Variants in DNMT3B observed in about 807,000 individuals in gnomAD.
The protein encoded by DNMT3B is DNA methyltransferase 3 beta.
DNMT3B carries 37 observed loss-of-function variants against 120.2 expected under a neutral mutation model. The observed-to-expected ratio is 0.31, with a 90% CI of 0.24 to 0.40. The LOEUF is 0.40. DNMT3B is among the 10% of genes least tolerant of loss of function. DNMT3B has a pLI of 1.00. For missense variants in DNMT3B, 878 were observed against 1,137.3 expected (o/e 0.77, Z 3.28); for synonymous variants, 412 against 442.8 (o/e 0.93, Z 0.87).
intron 20 of DNMT3B, among the ~76,000 whole-genome samples, chr20:32,803,725 C>T (rs2146072001): frequency 6.6e-6 from 1 of 152,226 alleles, no homozygotes; most frequent in East Asian, 1.9e-4. Context: ...TAGAGTACTC[C>T]AGGTGGGAAG....
intron 5 of DNMT3B, among the ~76,000 whole-genome samples, chr20:32,786,903 A>G (rs1979356118): frequency 6.6e-6 from 1 of 152,196 alleles, no homozygotes; most frequent in Admixed American, 6.5e-5. Context: ...GAAAACACTG[A>G]CATCCAGAAC....
chr20:32,805,497 A>T (rs752769951), intron 21 of DNMT3B, 90 bp downstream of exon 21: 5 of 1,489,220 alleles, frequency 3.4e-6, no homozygotes, highest in Non-Finnish European at 4.7e-6. Context: ...ATTGGTTCCT[A>T]CTCCTCCCCC....
rs777301633 is a variant in DNMT3B, at chr20:32,797,299, G to A, written c.1490G>A (p.Arg497Gln). ...CTTTGCAGCAACACGAGCTGCTGCC[G>A]GTGAGCACTGGGCCCTGTGGGGTGG... is the stretch of plus-strand genomic sequence containing the variant. Reference protein sequence around the residue: ...LLLCSNTSCCRCFCVECLEVL... With the variant: ...LLLCSNTSCCQCFCVECLEVL... The change falls in exon 14 of 23, where the codon CGG (arginine) becomes CAG (glutamine). Residue 497 changes from arginine to glutamine, a missense_variant and splice_region_variant. By Grantham distance (43) the Arg-to-Gln change is conservative (BLOSUM62 1). This residue lies in a region of DNMT3B where 334 missense variants were observed against 518.8 expected (regional missense o/e 0.64). Coordinates refer to ENST00000328111, the MANE Select transcript of DNMT3B (RefSeq NM_006892.4). 10 of 1,613,968 alleles carry A rather than the reference G, an allele frequency of 6.2e-6. No homozygotes were observed. Among genetic ancestry groups the A allele is most frequent in the Admixed American group, 3.3e-5 (2 of 60,030 alleles).
intron 1 of DNMT3B, among the ~76,000 whole-genome samples, chr20:32,771,411 T>G (rs1601051631): frequency 6.6e-6 from 1 of 151,992 alleles, no homozygotes; most frequent in South Asian, 2.1e-4. Context: ...GAGGCTGAGG[T>G]GGGCGGATCG....
chr20:32,781,003 GGAGCACTT>G (rs1978556765), intron 2 of DNMT3B, among the ~76,000 whole-genome samples: 1 of 152,198 alleles, frequency 6.6e-6, no homozygotes, highest in Admixed American at 6.5e-5. Context: ...ACTCTACATG[GGAGCACTT>G]GAGAAGCGGC....
chr20:32,807,806 G>T lies in DNMT3B; in HGVS notation c.2465G>T (p.Gly822Val). The T allele has an allele frequency of 6.2e-7, 1 of 1,614,190 alleles. No individual in the cohort carries two copies. The highest frequency in any genetic ancestry group is 8.5e-7 in the Non-Finnish European group (1 of 1,180,032). ...CACTACACAGACGTGTCCAACATGGGCCGTGGTGCCCGCCAGAAGCTGCTG... is the reference window on the plus strand; with the variant it reads ...CACTACACAGACGTGTCCAACATGGTCCGTGGTGCCCGCCAGAAGCTGCTG... ...PVHYTDVSNM[G>V]RGARQKLLGR... The change falls in exon 23 of 23, where the codon GGC (glycine) becomes GTC (valine). Residue 822 changes from glycine to valine, a missense_variant. Gly to Val is a moderately radical substitution (Grantham distance 109, BLOSUM62 -3). Coordinates refer to ENST00000328111, the MANE Select transcript of DNMT3B (RefSeq NM_006892.4).
Position 32,801,161 on chromosome 20 carries a change from G to A in DNMT3B, c.1997-117G>A, listed in dbSNP as rs1601128968. On this transcript the variant is annotated intron_variant, in intron 18 of 22. Coordinates refer to ENST00000328111, the MANE Select transcript of DNMT3B (RefSeq NM_006892.4). ...CTGTCATTCAGGTGGACATAGACTGGTAGGCATCACCCTGAACTGTCAGGA... is the reference window on the plus strand; with the variant it reads ...CTGTCATTCAGGTGGACATAGACTGATAGGCATCACCCTGAACTGTCAGGA... 3 of 1,471,158 alleles carry A rather than the reference G, an allele frequency of 2.0e-6. No individual in the cohort carries two copies. The East Asian group carries it at 6.9e-5, about 34-fold the overall frequency. The allele number at this position is 1,471,158 out of a possible 1,614,324, so 91.1% of individuals were successfully genotyped here. A position where few individuals can be genotyped will look rare whatever the true frequency, so the allele number is the denominator to read the frequency against.
In DNMT3B at chr20:32,762,648, C is replaced by A. The variant is rs753436881; in HGVS notation, c.-58C>A. ...CGCCAGCCGGCCTCCCGCCAGCCAG[C>A]CCCGACCCGCGGCTCCGCCGCCCAG... On this transcript the variant is annotated 5_prime_UTR_variant, in exon 1 of 23. Transcript: ENST00000328111. 4.2e-6 allele frequency: 1 copy of A among 238,420 alleles called. No homozygotes were observed. Among genetic ancestry groups the A allele is most frequent in the South Asian group, 4.2e-5 (1 of 23,958 alleles). 14.8% of individuals were successfully genotyped at this position (238,420 alleles called of 1,614,324 possible). A position where few individuals can be genotyped will look rare whatever the true frequency, so the allele number is the denominator to read the frequency against.
chr20:32,795,746 A>G, intron 12 of DNMT3B, 52 bp downstream of exon 12: 1 of 1,609,380 alleles, frequency 6.2e-7, no homozygotes, highest in Non-Finnish European at 8.5e-7. Context: ...CTAGGGCTCT[A>G]GGCCTGCCTT....
intron 21 of DNMT3B, among the ~76,000 whole-genome samples, chr20:32,805,650 T>C (rs1028626114): frequency 6.6e-6 from 1 of 152,180 alleles, no homozygotes; most frequent in Non-Finnish European, 1.5e-5. Context: ...ACTGGATACA[T>C]AAAGACAAAG....
intron 8 of DNMT3B, among the ~76,000 whole-genome samples, 167 bp from the exon 9 acceptor site, chr20:32,792,459 C>T (rs1030897233): frequency 6.6e-6 from 1 of 152,238 alleles, no homozygotes; most frequent in African/African-American, 2.4e-5. Flanking sequence ...TCTCCCTGCA[C>T]AGGCCCCTCC....
intron 17 of DNMT3B, 130 bp from the exon 18 acceptor site, chr20:32,800,705 C>T (rs1981225497): frequency 2.0e-6 from 2 of 1,019,796 alleles, no homozygotes; most frequent in East Asian, 2.4e-5. Context: ...GTAATCCACC[C>T]CCGCCGTCAG....
intron 1 of DNMT3B, among the ~76,000 whole-genome samples, chr20:32,775,523 G>A (rs1395210405): frequency 2.0e-5 from 3 of 152,148 alleles, no homozygotes; most frequent in African/African-American, 4.8e-5. Flanking sequence ...GTTCAGTCGG[G>A]GCACAGGCAC....
intron 22 of DNMT3B, among the ~76,000 whole-genome samples, chr20:32,806,597 C>A (rs998770734): frequency 1.3e-5 from 2 of 152,252 alleles, no homozygotes; most frequent in African/African-American, 4.8e-5. Context: ...CCTGTCCCAA[C>A]ATGCTGGGAC....
intron 22 of DNMT3B, 99 bp downstream of exon 22, chr20:32,806,426 C>T (rs992943378): frequency 1.8e-6 from 2 of 1,113,340 alleles, no homozygotes; most frequent in South Asian, 2.5e-5. Context: ...GGCCTCACTG[C>T]CCTTTGGTGT....
At chr20:32,796,680 T>C in intron 12 of DNMT3B, 110 bp from the exon 13 acceptor site, 1 of 1,214,020 alleles carries the variant, frequency 8.2e-7, no homozygotes, top group Non-Finnish European at 1.2e-6. Context: ...AAAGAGTCCT[T>C]GGCAAGCTGC....
rs1049520963 is a variant in DNMT3B at position 32,808,371 on chromosome 20, T to G, written c.*468T>G. The G allele has an allele frequency of 1.9e-5, 5 of 268,392 alleles. No individual in the cohort carries two copies. The highest frequency in any genetic ancestry group is 1.4e-4 in the Admixed American group (3 of 20,746). The allele number at this position is 268,392 out of a possible 1,614,324, so 16.6% of individuals were successfully genotyped here. On this transcript the variant is annotated 3_prime_UTR_variant, in exon 23 of 23. Coordinates refer to ENST00000328111, the MANE Select transcript of DNMT3B (RefSeq NM_006892.4). The stretch of plus-strand genomic sequence containing the variant: ...CTCTGTGTTTACAGACGTGTGCAGT[T>G]GTAGGCATGTAGCTACAGGACATTT...
At chr20:32,773,607 T>G (rs2145871359) in intron 1 of DNMT3B, among the ~76,000 whole-genome samples, 1 of 126,512 alleles carries the variant, frequency 7.9e-6, no homozygotes, top group East Asian at 3.0e-4. Context: ...GAGAGAAATA[T>G]TGGGCTTTTT....
Position 32,773,934 on chromosome 20 carries a change from G to GTTTTTTTTTTTTTTTTTTTT in DNMT3B, c.-6-6377_-6-6358dup, listed in dbSNP as rs1161730284. On this transcript the variant is annotated intron_variant, in intron 1 of 22. Transcript: ENST00000328111. ...GCATGAGCCACTGCGCCCGGCAGTG[G>GTTTTTTTTTTTTTTTTTTTT]TTTTTTTTTTTTTTTTTTTTTTTTT... Among the ~76,000 whole-genome samples, 3 of 69,130 alleles carry GTTTTTTTTTTTTTTTTTTTT rather than the reference G, an allele frequency of 4.3e-5. 1 individual carries two copies. Among genetic ancestry groups the GTTTTTTTTTTTTTTTTTTTT allele is most frequent in the African/African-American group, 2.0e-4 (3 of 15,060 alleles). The allele number at this position is 69,130 out of a possible 152,430, so 45.4% of individuals were successfully genotyped here.
Sources: allele counts gnomAD v4.1 joint callset (sites outside exome capture counted in the v4.1 genomes callset), GRCh38; gene constraint gnomAD v4.1.1; regional missense constraint gnomAD v4.1.1; transcripts MANE v1.5; gene names NCBI Gene and HGNC (gene_info 2026-07-23, HGNC 2026-07-21).